Variants in EXD1 observed in about 807,000 individuals in gnomAD.
EXD1 encodes exonuclease 3'-5' domain containing 1.
EXD1 carries 63 observed loss-of-function variants against 49.1 expected under a neutral mutation model. The observed-to-expected ratio is 1.28, with a 90% CI of 1.05 to 1.58. The LOEUF is 1.58. Among genes scored for constraint, EXD1 ranks in the 40% most tolerant of loss-of-function variants. The pLI, the probability that EXD1 is intolerant of heterozygous loss-of-function variation, is 0.00. For missense variants in EXD1, 748 were observed against 666.0 expected, an observed-to-expected ratio of 1.12 and a Z score of -1.36; for synonymous variants, 234 against 239.2, an observed-to-expected ratio of 0.98 and a Z score of 0.20.
intron 1 of EXD1, among the ~76,000 whole-genome samples, chr15:41,227,191 T>C (rs963922601): frequency 7.9e-5 from 12 of 152,218 alleles, no homozygotes; most frequent in African/African-American, 2.4e-4. Context: ...ACAATAGTGG[T>C]ACATTGGGAA....
intron 7 of EXD1, among the ~76,000 whole-genome samples, chr15:41,201,379 C>T (rs2046725948): frequency 6.6e-6 from 1 of 151,934 alleles, no homozygotes; most frequent in Non-Finnish European, 1.5e-5. Context: ...AAGATCCCTA[C>T]CCTCTAGCAA....
intron 5 of EXD1, among the ~76,000 whole-genome samples, chr15:41,216,305 A>G (rs1595454153): frequency 1.9e-5 from 2 of 102,810 alleles, no homozygotes; most frequent in South Asian, 2.6e-4. Context: ...TGACCTGGTT[A>G]AAAAAAAAAA....
chr15:41,217,193 T>C (rs568583732), intron 3 of EXD1, 39 bp from the exon 4 acceptor site: 11 of 1,574,072 alleles, frequency 7.0e-6, no homozygotes, highest in African/African-American at 1.3e-5. Flanking sequence ...GAGTTTCCAA[T>C]CAGAAATCAA....
At chr15:41,221,330 G>A (rs55952963) in intron 2 of EXD1, among the ~76,000 whole-genome samples, 24,904 of 152,062 alleles carry the variant, frequency 0.16, 3,787 homozygotes, top group African/African-American at 0.4. Flanking sequence ...AGAGTGCAGT[G>A]GCACAATCCT....
At chr15:41,198,662 C>G (rs1351525440) in intron 7 of EXD1, among the ~76,000 whole-genome samples, 6 of 151,934 alleles carry the variant, frequency 3.9e-5, no homozygotes, top group African/African-American at 1.5e-4. Context: ...GCACTCTAGC[C>G]TAGGTGACAG....
intron 11 of EXD1, among the ~76,000 whole-genome samples, chr15:41,186,317 TAAA>T (rs1566971764): frequency 6.6e-6 from 1 of 151,578 alleles, no homozygotes; most frequent in African/African-American, 2.4e-5. Flanking sequence ...ACTAAAAATA[TAAA>T]AATTAGCTGA....
At chr15:41,204,400 A>G (rs2046790205) in intron 7 of EXD1, among the ~76,000 whole-genome samples, 1 of 150,766 alleles carries the variant, frequency 6.6e-6, no homozygotes, top group African/African-American at 2.4e-5. Flanking sequence ...AAAATGCAAA[A>G]ATTAGCCGGG....
chr15:41,206,771 G>A (rs113907954), intron 7 of EXD1, among the ~76,000 whole-genome samples: 18,552 of 148,856 alleles, frequency 0.12, 1,361 homozygotes, highest in South Asian at 0.27. Flanking sequence ...ATAGGCATGC[G>A]CCACCACGCC....
chr15:41,216,669 T>TA lies in EXD1; in HGVS notation c.386_387insT (p.Glu130ArgfsTer11). On this transcript the variant is annotated frameshift_variant and splice_region_variant, in exon 5 of 12. Coordinates refer to ENST00000458580, the MANE Select transcript of EXD1 (RefSeq NM_001286441.2). LOFTEE classifies it high-confidence loss of function. ...AAAATTCAGAGCCCCTATATTCACC[T>TA]GATGGGCTGTACTTGAGGTCATTCA... The TA allele has an allele frequency of 6.2e-7, 1 of 1,609,284 alleles. No individual in the cohort carries two copies. Among genetic ancestry groups the TA allele is most frequent in the Non-Finnish European group, 8.5e-7 (1 of 1,179,050 alleles).
intron 9 of EXD1, among the ~76,000 whole-genome samples, chr15:41,194,601 T>G (rs141165108): frequency 2.0e-5 from 3 of 152,358 alleles, no homozygotes; most frequent in African/African-American, 7.2e-5. Flanking sequence ...TTGCATTGTT[T>G]TAGGCCACTA....
chr15:41,189,013 A>G lies in EXD1; in HGVS notation c.1056+924T>C, dbSNP rs960755341. ...GAGATGGGGTTTCATCATGTTGGCC[A>G]GGCTGGTCTCAAACTCCTGACCTCA... On this transcript the variant is annotated intron_variant, in intron 11 of 11. Coordinates refer to ENST00000458580, the MANE Select transcript of EXD1 (RefSeq NM_001286441.2). Among the ~76,000 whole-genome samples the G allele has an allele frequency of 2.0e-5, 3 of 151,334 alleles. No individual in the cohort carries two copies. In the East Asian group the frequency reaches 5.9e-4, roughly 30 times the overall value.
At chr15:41,211,795 TA>T (rs57945609) in intron 6 of EXD1, among the ~76,000 whole-genome samples, 1,321 of 119,578 alleles carry the variant, frequency 0.011, 27 homozygotes, top group Admixed American at 0.036. Flanking sequence ...CCTCATTTCT[TA>T]AAAAAAAAAA....
At chr15:41,227,291 T>C (rs1045135995) in intron 1 of EXD1, among the ~76,000 whole-genome samples, 2 of 152,264 alleles carry the variant, frequency 1.3e-5, no homozygotes, top group Admixed American at 6.5e-5. Context: ...TTAATTTTTA[T>C]GTCTAGGTAC....
chr15:41,213,887 A>C (rs2046959738), intron 6 of EXD1, among the ~76,000 whole-genome samples: 2 of 152,222 alleles, frequency 1.3e-5, no homozygotes, highest in African/African-American at 4.8e-5. Flanking sequence ...ATTGTATGGC[A>C]TGTGGATTAT....
At chr15:41,206,474 GAAAAA>G (rs34195951) in intron 7 of EXD1, among the ~76,000 whole-genome samples, 1 of 87,170 alleles carries the variant, frequency 1.1e-5, no homozygotes, top group Non-Finnish European at 2.6e-5. Context: ...ACCCTGTCTC[GAAAAA>G]AAAAAAAAAA....
intron 7 of EXD1, 49 bp downstream of exon 7, chr15:41,209,452 A>C (rs201385460): frequency 5.9e-5 from 90 of 1,521,260 alleles, no homozygotes; most frequent in Middle Eastern, 5.2e-4. Context: ...AAAATCTACC[A>C]GTGGCTCTAT....
At chr15:41,225,711 TG>T (rs2047153372) in intron 2 of EXD1, among the ~76,000 whole-genome samples, 1 of 151,846 alleles carries the variant, frequency 6.6e-6, no homozygotes, top group African/African-American at 2.4e-5. Flanking sequence ...GCTGTGTTTT[TG>T]TATTTTTTGT....
At chr15:41,207,039 G>A (rs1483494339) in intron 7 of EXD1, among the ~76,000 whole-genome samples, 1 of 137,920 alleles carries the variant, frequency 7.3e-6, no homozygotes, top group Non-Finnish European at 1.5e-5. Flanking sequence ...TAAGGAGTTC[G>A]AGACCAGCCT....
At chr15:41,192,923 A>G (rs1037799033) in intron 9 of EXD1, among the ~76,000 whole-genome samples, 1 of 150,848 alleles carries the variant, frequency 6.6e-6, no homozygotes, top group Non-Finnish European at 1.5e-5. Context: ...AGCCTCTCCA[A>G]GTAGCTGGGA....
Sources: gnomAD v4.1 joint callset for allele counts (sites outside exome capture counted in the v4.1 genomes callset) on GRCh38, gnomAD v4.1.1 for gene constraint, MANE v1.5 for transcripts, NCBI Gene and HGNC (gene_info 2026-07-23, HGNC 2026-07-21) for gene names.